KLF12: variants seen among roughly 807,000 people sequenced by gnomAD.
KLF12 encodes the protein Krueppel-like factor 12.
In KLF12, 9 loss-of-function variants were observed where a neutral mutation model predicts 37.8. The ratio of observed to expected loss-of-function variants is 0.24; its 90% CI spans 0.14 to 0.42. KLF12 has a LOEUF of 0.42. Among genes scored for constraint, KLF12 ranks in the 10% least tolerant of loss-of-function variants. The pLI is 1.00. For missense variants in KLF12, 411 were observed against 516.0 expected (o/e 0.80, Z 1.97); for synonymous variants, 208 against 202.1 (o/e 1.03, Z -0.25).
At chr13:73,720,463 A>G (rs1876156796) in intron 6 of KLF12, among the ~76,000 whole-genome samples, 1 of 152,194 alleles carries the variant, frequency 6.6e-6, no homozygotes, top group African/African-American at 2.4e-5. Flanking sequence ...GTAGAGGTAA[A>G]ACACTTGTAA....
At chr13:73,955,816 T>G (rs1187995084) in intron 2 of KLF12, among the ~76,000 whole-genome samples, 1 of 152,120 alleles carries the variant, frequency 6.6e-6, no homozygotes. Flanking sequence ...ACAAAGGAAA[T>G]AAGTTGCTAA....
chr13:74,087,187 A>C (rs1350574348), intron 1 of KLF12, among the ~76,000 whole-genome samples: 1 of 152,200 alleles, frequency 6.6e-6, no homozygotes, highest in Non-Finnish European at 1.5e-5. Flanking sequence ...GTGAACAGGA[A>C]ATAGAAAGCA....
At chr13:74,016,452 C>T (rs184479780) in intron 1 of KLF12, among the ~76,000 whole-genome samples, 124 of 152,308 alleles carry the variant, frequency 8.1e-4, no homozygotes, top group African/African-American at 2.9e-3. Context: ...GCCTCAAACT[C>T]CTGGGCTCAA....
intron 1 of KLF12, among the ~76,000 whole-genome samples, chr13:74,008,612 T>C (rs1021373277): frequency 1.3e-5 from 2 of 152,272 alleles, no homozygotes; most frequent in African/African-American, 2.4e-5. Flanking sequence ...AACTACTGTA[T>C]GTGCCAATTG....
the KLF12 span, among the ~76,000 whole-genome samples, chr13:74,194,828 T>C: frequency 6.6e-6 from 1 of 152,232 alleles, no homozygotes; most frequent in Non-Finnish European, 1.5e-5. Flanking sequence ...CATAGCACTT[T>C]TTCTGCTTAT....
intron 1 of KLF12, among the ~76,000 whole-genome samples, chr13:74,105,331 A>C (rs1167980035): frequency 6.6e-6 from 1 of 152,190 alleles, no homozygotes; most frequent in African/African-American, 2.4e-5. Context: ...TTGTCCCTAA[A>C]TATCCCTAAC....
intron 1 of KLF12, among the ~76,000 whole-genome samples, chr13:74,035,773 G>A (rs1334395806): frequency 2.6e-5 from 4 of 152,098 alleles, no homozygotes; most frequent in Admixed American, 6.5e-5. Flanking sequence ...CTCTTCAGAC[G>A]CTCTTCAGTT....
At chr13:74,059,124 T>C (rs1315959613) in intron 1 of KLF12, among the ~76,000 whole-genome samples, 1 of 152,268 alleles carries the variant, frequency 6.6e-6, no homozygotes, top group Non-Finnish European at 1.5e-5. Context: ...AACAGTTTCA[T>C]ATTTTTATGG....
the KLF12 span, among the ~76,000 whole-genome samples, chr13:74,215,457 G>A: frequency 2.4e-5 from 3 of 126,550 alleles, no homozygotes; most frequent in African/African-American, 9.2e-5. Flanking sequence ...TTTTTTCCAG[G>A]AACTGAAAGC....
At chr13:74,033,057 T>C (rs889311332) in intron 1 of KLF12, among the ~76,000 whole-genome samples, 2 of 152,218 alleles carry the variant, frequency 1.3e-5, no homozygotes, top group African/African-American at 2.4e-5. Flanking sequence ...TTTCTTTTTC[T>C]CCATCTTTTC....
At chr13:73,939,886 A>C (rs1479863469) in intron 3 of KLF12, among the ~76,000 whole-genome samples, 1 of 152,160 alleles carries the variant, frequency 6.6e-6, no homozygotes, top group Admixed American at 6.5e-5. Flanking sequence ...TAAATGCATA[A>C]ACAGAAAGGC....
intron 5 of KLF12, among the ~76,000 whole-genome samples, chr13:73,773,443 C>T (rs1298966037): frequency 6.6e-6 from 1 of 152,182 alleles, no homozygotes; most frequent in South Asian, 2.1e-4. Flanking sequence ...ATCTGCTTTT[C>T]CTTCAGTGTT....
At chr13:74,173,763 T>A in the KLF12 span, among the ~76,000 whole-genome samples, 6 of 152,316 alleles carry the variant, frequency 3.9e-5, no homozygotes, top group Non-Finnish European at 8.8e-5. Flanking sequence ...TCCAGACCAA[T>A]ATAATTCTCC....
chr13:74,091,995 TA>T lies in KLF12; in HGVS notation c.-32+41743del, dbSNP rs55924732. 2.9e-3 allele frequency among the ~76,000 whole-genome samples: 418 copies of T among 144,698 alleles called. 1 individual carries two copies. The highest frequency in any genetic ancestry group is 0.011 in the Middle Eastern group (3 of 272). 94.9% of individuals were successfully genotyped at this position (144,698 alleles called of 152,430 possible). ...AACTGCTCTAAAACAAAGCAACCTT[TA>T]AAAAAAAAAAAACCCAGACGTGGTG... On this transcript the variant is annotated intron_variant, in intron 1 of 7. Coordinates refer to ENST00000377669, the MANE Select transcript of KLF12 (RefSeq NM_007249.5).
intron 1 of KLF12, among the ~76,000 whole-genome samples, chr13:74,013,614 G>T (rs530826801): frequency 1.3e-5 from 2 of 151,948 alleles, no homozygotes; most frequent in African/African-American, 4.8e-5. Flanking sequence ...AAATATCTAG[G>T]GGGGCAAAGA....
At chr13:73,948,341 C>T (rs920661729) in intron 2 of KLF12, among the ~76,000 whole-genome samples, 1 of 152,190 alleles carries the variant, frequency 6.6e-6, no homozygotes, top group African/African-American at 2.4e-5. Flanking sequence ...TGTGCCTCAG[C>T]ATCCCAAGCA....
intron 2 of KLF12, among the ~76,000 whole-genome samples, chr13:73,944,899 G>A (rs896060056): frequency 6.6e-6 from 1 of 152,082 alleles, no homozygotes; most frequent in Non-Finnish European, 1.5e-5. Context: ...GCCCAAATCA[G>A]GCTCATATTT....
intron 5 of KLF12, among the ~76,000 whole-genome samples, chr13:73,769,428 T>C (rs1880133135): frequency 6.6e-6 from 1 of 152,222 alleles, no homozygotes; most frequent in Non-Finnish European, 1.5e-5. Context: ...CAAGACATTC[T>C]TCTGGCTTTC....
At chr13:74,271,982 A>G in the KLF12 span, among the ~76,000 whole-genome samples, 3 of 152,178 alleles carry the variant, frequency 2.0e-5, no homozygotes, top group Admixed American at 2.0e-4. Context: ...TTGTATTTGC[A>G]ATCTTATTGG....
Sources: allele counts gnomAD v4.1 joint callset (sites outside exome capture counted in the v4.1 genomes callset), GRCh38; gene constraint gnomAD v4.1.1; transcripts MANE v1.5; gene names NCBI Gene and HGNC (gene_info 2026-07-23, HGNC 2026-07-21).